Variants in HPSE2 observed in about 807,000 individuals in gnomAD.
The protein encoded by HPSE2 is heparanase 2 (inactive).
Under a neutral mutation model 60.5 loss-of-function variants are expected in HPSE2, and 38 were observed. The observed-to-expected ratio is 0.63, with a 90% CI of 0.48 to 0.82. The LOEUF is 0.82. Among genes scored for constraint, HPSE2 ranks in the 40% least tolerant of loss-of-function variants. The pLI is 0.00. For missense variants in HPSE2, 713 were observed against 740.4 expected (o/e 0.96, Z 0.43); for synonymous variants, 295 against 293.2 (o/e 1.01, Z -0.06).
chr10:98,644,751 T>C lies in HPSE2; in HGVS notation c.1005-2811A>G, dbSNP rs184579864. Among the ~76,000 whole-genome samples the C allele has an allele frequency of 1.4e-3, 213 of 152,312 alleles. 3 individuals are homozygous for C. Among genetic ancestry groups the C allele is most frequent in the African/African-American group, 4.9e-3 (203 of 41,576 alleles). ...CTCAATGGCTAGCATTATATCTTCTTGAACCCAGAAATGGTCCAATTGCTC... is the reference window on the plus strand; with the variant it reads ...CTCAATGGCTAGCATTATATCTTCTCGAACCCAGAAATGGTCCAATTGCTC... On this transcript the variant is annotated intron_variant, in intron 6 of 11. Coordinates refer to ENST00000370552, the MANE Select transcript of HPSE2 (RefSeq NM_021828.5).
At chr10:99,167,885 C>G (rs188741762) in intron 2 of HPSE2, among the ~76,000 whole-genome samples, 1 of 151,222 alleles carries the variant, frequency 6.6e-6, no homozygotes, top group Admixed American at 6.6e-5. Flanking sequence ...CATTTTGTCT[C>G]TCTCTCTCTC....
At chr10:99,038,984 C>T (rs1564756469) in intron 3 of HPSE2, among the ~76,000 whole-genome samples, 1 of 152,058 alleles carries the variant, frequency 6.6e-6, no homozygotes, top group Non-Finnish European at 1.5e-5. Flanking sequence ...CTGGATCTGG[C>T]CAGCAGAATG....
chr10:99,130,816 T>C (rs1315500609), intron 3 of HPSE2, among the ~76,000 whole-genome samples: 2 of 152,130 alleles, frequency 1.3e-5, no homozygotes, highest in South Asian at 4.2e-4. Context: ...TGGATATAGC[T>C]TGCCACAGTA....
At chr10:98,487,065 C>T (rs1476940984) in intron 10 of HPSE2, among the ~76,000 whole-genome samples, 2 of 152,132 alleles carry the variant, frequency 1.3e-5, no homozygotes, top group Non-Finnish European at 2.9e-5. Flanking sequence ...CTTCAGCATC[C>T]ACCAGGTTCC....
At chr10:99,206,609 G>A (rs187281172) in intron 2 of HPSE2, among the ~76,000 whole-genome samples, 2 of 151,178 alleles carry the variant, frequency 1.3e-5, no homozygotes, top group Admixed American at 1.3e-4. Context: ...ATGGCAAATT[G>A]GCACTCCTAA....
intron 3 of HPSE2, among the ~76,000 whole-genome samples, chr10:99,062,505 CT>C (rs911872694): frequency 2.6e-5 from 4 of 151,340 alleles, no homozygotes; most frequent in East Asian, 1.9e-4. Context: ...TTTTAAATAG[CT>C]TTTTTTTTCT....
chr10:99,307,504 G>C, the HPSE2 span, among the ~76,000 whole-genome samples: 2 of 152,158 alleles, frequency 1.3e-5, no homozygotes, highest in Non-Finnish European at 2.9e-5. Context: ...GTGGCGTGCT[G>C]AAGTCCACTC....
At chr10:98,725,873 A>T (rs1341731006) in intron 4 of HPSE2, among the ~76,000 whole-genome samples, 1 of 152,216 alleles carries the variant, frequency 6.6e-6, no homozygotes, top group Non-Finnish European at 1.5e-5. Flanking sequence ...CAGCCAAAAA[A>T]CACATGAAAA....
At chr10:99,279,345 A>C in the HPSE2 span, among the ~76,000 whole-genome samples, 1 of 152,208 alleles carries the variant, frequency 6.6e-6, no homozygotes, top group Non-Finnish European at 1.5e-5. Flanking sequence ...AAGAACATCC[A>C]CTCTGATAAA....
At chr10:98,643,918 C>T (rs527587142) in intron 6 of HPSE2, among the ~76,000 whole-genome samples, 1 of 152,194 alleles carries the variant, frequency 6.6e-6, no homozygotes, top group East Asian at 1.9e-4. Context: ...ATTACACTTT[C>T]CTCTTTTCTC....
chr10:98,723,909 A>C (rs1413035673), intron 4 of HPSE2, among the ~76,000 whole-genome samples: 1 of 152,086 alleles, frequency 6.6e-6, no homozygotes, highest in Non-Finnish European at 1.5e-5. Flanking sequence ...TCTTTTCAAA[A>C]AACCAGCTCC....
chr10:98,960,564 C>T (rs955750178), intron 3 of HPSE2, among the ~76,000 whole-genome samples: 16 of 151,836 alleles, frequency 1.1e-4, no homozygotes, highest in East Asian at 5.8e-4. Context: ...AACCTGAAAA[C>T]GGAAGTTTAA....
intron 11 of HPSE2, among the ~76,000 whole-genome samples, chr10:98,464,332 C>T (rs1328123826): frequency 1.3e-5 from 2 of 152,058 alleles, no homozygotes; most frequent in African/African-American, 4.8e-5. Flanking sequence ...TAAAAGGAAC[C>T]CACATGCTTG....
intron 3 of HPSE2, among the ~76,000 whole-genome samples, chr10:98,751,264 T>G (rs1307439922): frequency 6.6e-6 from 1 of 152,294 alleles, no homozygotes; most frequent in Non-Finnish European, 1.5e-5. Context: ...ACTTTTCAAA[T>G]TGATGGCCCC....
intron 4 of HPSE2, among the ~76,000 whole-genome samples, chr10:98,722,124 T>A (rs1422468106): frequency 6.6e-6 from 1 of 150,432 alleles, no homozygotes; most frequent in Non-Finnish European, 1.5e-5. Context: ...TTGAACAGTG[T>A]CCCCCAAAAT....
chr10:99,129,858 T>C (rs1426170646), intron 3 of HPSE2, among the ~76,000 whole-genome samples: 1 of 144,128 alleles, frequency 6.9e-6, no homozygotes, highest in African/African-American at 2.5e-5. Flanking sequence ...TTTGAAGAGA[T>C]AAACAAAATT....
chr10:98,811,741 G>T (rs1161366338), intron 3 of HPSE2, among the ~76,000 whole-genome samples: 1 of 152,176 alleles, frequency 6.6e-6, no homozygotes, highest in East Asian at 1.9e-4. Flanking sequence ...ACGAGATTGT[G>T]TTCACTCTAC....
chr10:99,280,359 G>C, the HPSE2 span, among the ~76,000 whole-genome samples: 6 of 152,162 alleles, frequency 3.9e-5, no homozygotes, highest in African/African-American at 1.4e-4. Context: ...GAATACCACT[G>C]CAACTTTTAA....
intron 3 of HPSE2, among the ~76,000 whole-genome samples, chr10:98,985,516 A>G (rs953571197): frequency 1.6e-4 from 24 of 152,316 alleles, no homozygotes; most frequent in Middle Eastern, 3.4e-3. Flanking sequence ...AGGAACAACC[A>G]GTACCAGCCA....
Sources: gnomAD v4.1 joint callset for allele counts (sites outside exome capture counted in the v4.1 genomes callset) on GRCh38, gnomAD v4.1.1 for gene constraint, MANE v1.5 for transcripts, NCBI Gene and HGNC (gene_info 2026-07-23, HGNC 2026-07-21) for gene names.